VPS8: variants seen among roughly 807,000 people sequenced by gnomAD.
The protein encoded by VPS8 is vacuolar protein sorting-associated protein 8 homolog.
Under a neutral mutation model 216.4 loss-of-function variants are expected in VPS8, and 129 were observed. The observed-to-expected ratio is 0.60, with a 90% CI of 0.52 to 0.69. The LOEUF (loss-of-function observed/expected upper bound fraction) is 0.69, where lower values mean the gene tolerates loss of function less well. Ranked by LOEUF, VPS8 falls within the 30% of genes least tolerant of loss-of-function variation. The pLI is 0.00. For missense variants in VPS8, 1,531 were observed against 1,683.5 expected, an observed-to-expected ratio of 0.91 and a Z score of 1.59; for synonymous variants, 571 against 565.4, an observed-to-expected ratio of 1.01 and a Z score of -0.14.
At chr3:185,034,067 C>T (rs956326670) in intron 46 of VPS8, among the ~76,000 whole-genome samples, 5 of 152,126 alleles carry the variant, frequency 3.3e-5, no homozygotes, top group African/African-American at 1.2e-4. Context: ...TAGTATTCCA[C>T]AGTGTCTGTT....
intron 21 of VPS8, among the ~76,000 whole-genome samples, chr3:184,877,737 G>T (rs1729535628): frequency 6.6e-6 from 1 of 152,150 alleles, no homozygotes; most frequent in African/African-American, 2.4e-5. Flanking sequence ...TCATCCCACA[G>T]TTTATTCTTT....
intron 41 of VPS8, 107 bp downstream of exon 41, chr3:184,982,754 G>T: frequency 3.1e-6 from 3 of 966,690 alleles, no homozygotes; most frequent in Non-Finnish European, 4.6e-6. Flanking sequence ...ATATTCTTAT[G>T]ATTTTTCCTT....
chr3:184,966,739 A>G (rs1747466843), intron 39 of VPS8, 26 bp downstream of exon 39: 1 of 1,544,438 alleles, frequency 6.5e-7, no homozygotes, highest in Non-Finnish European at 8.9e-7. Flanking sequence ...TAATTACAAC[A>G]TTTTTCATCC....
chr3:185,031,079 T>TG (rs1281493501), intron 46 of VPS8, among the ~76,000 whole-genome samples: 1 of 148,636 alleles, frequency 6.7e-6, no homozygotes, highest in African/African-American at 2.5e-5. Flanking sequence ...TTTTTTTTTT[T>TG]TTTTTTTTTT....
chr3:184,854,115 T>C lies in VPS8; in HGVS notation c.977T>C (p.Ile326Thr), dbSNP rs1214951644. The C allele has an allele frequency of 1.2e-6, 2 of 1,613,692 alleles. No individual in the cohort carries two copies. Among genetic ancestry groups the C allele is most frequent in the African/African-American group, 2.7e-5 (2 of 74,922 alleles). ...SLLAMASLTK[I>T]LVIGLKPSLK... Reference sequence around the variant, plus strand: ...TGAAAACATATTTTTCTCTTACAGATACTGGTCATTGGATTGAAACCATCC... The same window carrying C: ...TGAAAACATATTTTTCTCTTACAGACACTGGTCATTGGATTGAAACCATCC... The change falls in exon 13 of 48, where the codon ATA becomes ACA. Residue 326 changes from isoleucine (I) to threonine (T), a missense_variant and splice_region_variant. By Grantham distance (89) the Ile-to-Thr change is moderately conservative. This residue lies in a region of VPS8 where 1,318 missense variants were observed against 1,468.4 expected (regional missense o/e 0.90). Coordinates refer to ENST00000625842, the MANE Select transcript of VPS8 (RefSeq NM_001009921.3).
At chr3:185,005,211 C>T (rs1388340162) in intron 45 of VPS8, among the ~76,000 whole-genome samples, 1 of 152,184 alleles carries the variant, frequency 6.6e-6, no homozygotes, top group Non-Finnish European at 1.5e-5. Flanking sequence ...CCTGGTTTCT[C>T]TGCTCTGTTC....
intron 22 of VPS8, among the ~76,000 whole-genome samples, chr3:184,891,600 G>A (rs1387532248): frequency 6.6e-6 from 1 of 152,124 alleles, no homozygotes; most frequent in East Asian, 1.9e-4. Context: ...TGTATTCACA[G>A]CTGTGTAAGT....
intron 36 of VPS8, among the ~76,000 whole-genome samples, chr3:184,955,853 G>A (rs983959349): frequency 4.0e-5 from 6 of 151,808 alleles, no homozygotes; most frequent in African/African-American, 1.2e-4. Context: ...TGTGGTTGGG[G>A]ACACACATAC....
In VPS8 at chr3:184,881,071, G is replaced by A. The variant is rs1259840657; in HGVS notation, c.1735-5039G>A. On this transcript the variant is annotated intron_variant, in intron 21 of 47. Coordinates refer to ENST00000625842, the MANE Select transcript of VPS8 (RefSeq NM_001009921.3). The stretch of plus-strand genomic sequence containing the variant: ...ATATTCAAGGCACTAGTCCGTTATT[G>A]GACTTGGTTCTCCCAGTTTGTAGCT... Among the ~76,000 whole-genome samples the A allele has an allele frequency of 2.0e-5, 3 of 152,066 alleles. No individual in the cohort carries two copies. In the East Asian group the frequency reaches 5.8e-4, roughly 29 times the overall value.
chr3:184,841,232 A>G (rs2076277919), intron 7 of VPS8, among the ~76,000 whole-genome samples: 1 of 152,148 alleles, frequency 6.6e-6, no homozygotes, highest in African/African-American at 2.4e-5. Flanking sequence ...AGATATACCA[A>G]ATCCTGCCAT....
At chr3:184,923,962 A>G (rs959815841) in intron 29 of VPS8, among the ~76,000 whole-genome samples, 1 of 152,182 alleles carries the variant, frequency 6.6e-6, no homozygotes, top group African/African-American at 2.4e-5. Context: ...AGCAGTCATT[A>G]TATTATGCCT....
At chr3:184,869,586 G>T (rs1727971198) in intron 20 of VPS8, 58 bp downstream of exon 20, 21 of 1,568,000 alleles carry the variant, frequency 1.3e-5, no homozygotes, top group Non-Finnish European at 1.8e-5. Context: ...TTTGTCATTT[G>T]CCAGTATCTT....
chr3:184,893,927 A>G (rs941343363), intron 22 of VPS8, among the ~76,000 whole-genome samples: 7 of 152,348 alleles, frequency 4.6e-5, no homozygotes, highest in African/African-American at 1.7e-4. Flanking sequence ...AATAATGCTT[A>G]TCATATAATG....
At chr3:184,884,729 A>T (rs968585807) in intron 21 of VPS8, among the ~76,000 whole-genome samples, 1 of 151,970 alleles carries the variant, frequency 6.6e-6, no homozygotes, top group Non-Finnish European at 1.5e-5. Context: ...TTGAGACCTC[A>T]GCTTCTTTCT....
intron 45 of VPS8, among the ~76,000 whole-genome samples, chr3:185,023,966 G>C (rs1335933429): frequency 6.6e-6 from 1 of 152,152 alleles, no homozygotes; most frequent in East Asian, 1.9e-4. Flanking sequence ...GCTTCAAAGG[G>C]ATATTACATC....
intron 34 of VPS8, among the ~76,000 whole-genome samples, chr3:184,935,066 G>C (rs1350659921): frequency 6.6e-6 from 1 of 151,972 alleles, no homozygotes; most frequent in African/African-American, 2.4e-5. Flanking sequence ...GGTGGCTCAT[G>C]CCTGTAATTC....
At chr3:184,870,405 G>C (rs902374776) in intron 20 of VPS8, among the ~76,000 whole-genome samples, 16 of 152,172 alleles carry the variant, frequency 1.1e-4, no homozygotes, top group African/African-American at 3.6e-4. Context: ...TTGCTCATCT[G>C]TGCTCTTTAG....
At chr3:184,883,287 T>C (rs1426723425) in intron 21 of VPS8, among the ~76,000 whole-genome samples, 3 of 152,188 alleles carry the variant, frequency 2.0e-5, no homozygotes, top group African/African-American at 7.2e-5. Flanking sequence ...TTTCTATTCA[T>C]TGTTTCCTCT....
chr3:184,854,307 G>A (rs148964698), intron 13 of VPS8, 134 bp downstream of exon 13: 44 of 992,724 alleles, frequency 4.4e-5, no homozygotes, highest in African/African-American at 2.7e-4. Flanking sequence ...TCCAGAGATC[G>A]TTGGCTGGAC....
Sources: allele counts gnomAD v4.1 joint callset (sites outside exome capture counted in the v4.1 genomes callset), GRCh38; gene constraint gnomAD v4.1.1; regional missense constraint gnomAD v4.1.1; transcripts MANE v1.5; gene names NCBI Gene and HGNC (gene_info 2026-07-23, HGNC 2026-07-21).